Variants in DPP8 observed in about 807,000 individuals in gnomAD.
The protein encoded by DPP8 is DPP VIII.
In DPP8, 31 loss-of-function variants were observed where a neutral mutation model predicts 107.5. That is an observed-to-expected ratio of 0.29 (90% CI 0.22 to 0.39). The LOEUF is 0.39. DPP8 is among the 10% of genes least tolerant of loss of function. The probability of loss-of-function intolerance (pLI) is 1.00; values close to 1 mark genes in which losing one functional copy is unlikely to be tolerated. For missense variants in DPP8, 842 were observed against 1,076.1 expected, an observed-to-expected ratio of 0.78 and a Z score of 3.04; for synonymous variants, 381 against 356.6, an observed-to-expected ratio of 1.07 and a Z score of -0.77.
chr15:65,502,957 A>G (rs546584964), intron 3 of DPP8: 102 of 152,302 alleles, frequency 6.7e-4, no homozygotes, highest in African/African-American at 2.3e-3. Context: ...ATAGAAAGAC[A>G]TCACGTATGC....
chr15:65,462,714 G>A (rs767972552), intron 15 of DPP8, among the ~76,000 whole-genome samples: 4 of 152,016 alleles, frequency 2.6e-5, no homozygotes, highest in Non-Finnish European at 5.9e-5. Context: ...CAAGTAGCTG[G>A]GATTTTAGGC....
intron 14 of DPP8, among the ~76,000 whole-genome samples, chr15:65,465,210 C>T (rs2065244079): frequency 6.7e-6 from 1 of 150,012 alleles, no homozygotes; most frequent in African/African-American, 2.5e-5. Flanking sequence ...CTCTGTTGCC[C>T]AGGCTGGAGT....
In DPP8 at chr15:65,497,970, T is replaced by A; in HGVS notation, c.609A>T (p.Lys203Asn). Residue 203 changes from lysine to asparagine, a missense_variant, in exon 5 of 20, where the codon AAA becomes AAT. By Grantham distance (94) the Lys-to-Asn change is moderately conservative. Transcript: ENST00000300141. ...TSCPNIRMDPKLCPADPDWIA... is the reference protein window; with the variant it reads ...TSCPNIRMDPNLCPADPDWIA... Reference sequence around the variant, plus strand: ...TCCAGTCTGGATCAGCAGGGCATAATTTTGGATCCATCCGTATGTTGGGAC... The same window carrying A: ...TCCAGTCTGGATCAGCAGGGCATAAATTTGGATCCATCCGTATGTTGGGAC... 6 of 1,611,678 alleles carry A rather than the reference T, an allele frequency of 3.7e-6. No homozygotes were observed. Among genetic ancestry groups the A allele is most frequent in the Non-Finnish European group, 5.1e-6 (6 of 1,178,450 alleles).
intron 7 of DPP8, among the ~76,000 whole-genome samples, chr15:65,486,882 C>T (rs1188627434): frequency 6.6e-6 from 1 of 152,046 alleles, no homozygotes; most frequent in South Asian, 2.1e-4. Flanking sequence ...GTACAGTGTA[C>T]ACTGCTCGGG....
intron 1 of DPP8, among the ~76,000 whole-genome samples, chr15:65,515,205 A>G (rs772082929): frequency 3.9e-5 from 6 of 152,310 alleles, no homozygotes; most frequent in Non-Finnish European, 8.8e-5. Context: ...CTGGGATTAT[A>G]GGTGTGAGTC....
intron 15 of DPP8, among the ~76,000 whole-genome samples, chr15:65,462,623 A>T (rs939812451): frequency 7.2e-5 from 11 of 152,138 alleles, no homozygotes; most frequent in Middle Eastern, 3.4e-3. Flanking sequence ...CTCTGTCACC[A>T]GGCTGGAGTA....
At chr15:65,483,357 G>A (rs945627094) in intron 8 of DPP8, among the ~76,000 whole-genome samples, 12 of 151,654 alleles carry the variant, frequency 7.9e-5, no homozygotes, top group African/African-American at 2.9e-4. Context: ...AAATCCTGTC[G>A]CTACGAAAAA....
At chr15:65,471,440 G>A (rs549964625) in intron 12 of DPP8, among the ~76,000 whole-genome samples, 15 of 151,748 alleles carry the variant, frequency 9.9e-5, no homozygotes, top group Admixed American at 2.0e-4. Flanking sequence ...TCAACCTCCC[G>A]GGCTAAAGCG....
At chr15:65,494,027 T>C (rs182443272) in intron 5 of DPP8, among the ~76,000 whole-genome samples, 2 of 151,744 alleles carry the variant, frequency 1.3e-5, no homozygotes, top group Non-Finnish European at 1.5e-5. Context: ...CAACCCTATG[T>C]TGATGTGCTA....
At chr15:65,480,119 C>A in intron 10 of DPP8, 103 bp downstream of exon 10, 1 of 995,626 alleles carries the variant, frequency 1.0e-6, no homozygotes, top group East Asian at 2.6e-5. Context: ...AACATGGTCC[C>A]TTTAAACTTA....
intron 19 of DPP8, 177 bp downstream of exon 19, chr15:65,450,821 CA>C: frequency 2.0e-6 from 1 of 508,756 alleles, no homozygotes; most frequent in East Asian, 3.4e-5. Flanking sequence ...AGCCTGACTG[CA>C]ACAGAATCTT....
intron 8 of DPP8, among the ~76,000 whole-genome samples, chr15:65,483,306 C>T (rs561028316): frequency 3.4e-4 from 51 of 152,070 alleles, no homozygotes; most frequent in African/African-American, 1.2e-3. Context: ...GAGAGGATCA[C>T]TTGGGCCCAG....
intron 19 of DPP8, among the ~76,000 whole-genome samples, chr15:65,448,687 A>T (rs1567123661): frequency 3.0e-5 from 4 of 132,818 alleles, no homozygotes; most frequent in East Asian, 2.0e-4. Context: ...AAAAAAAAAA[A>T]AAAATATATA....
chr15:65,451,677 C>T (rs1411288189), intron 18 of DPP8, among the ~76,000 whole-genome samples: 1 of 152,098 alleles, frequency 6.6e-6, no homozygotes, highest in Admixed American at 6.6e-5. Flanking sequence ...GTAATCCCAG[C>T]ACTTTGGGAG....
intron 5 of DPP8, among the ~76,000 whole-genome samples, chr15:65,495,814 G>A (rs1032850929): frequency 6.7e-6 from 1 of 149,316 alleles, no homozygotes; most frequent in Non-Finnish European, 1.5e-5. Flanking sequence ...CCCGAGAGGC[G>A]AAGGTTGCAG....
intron 15 of DPP8, among the ~76,000 whole-genome samples, chr15:65,461,247 G>A (rs1380735799): frequency 6.6e-6 from 1 of 151,956 alleles, no homozygotes; most frequent in Non-Finnish European, 1.5e-5. Flanking sequence ...TGGGCTCAGG[G>A]GATCCTCCTG....
chr15:65,477,367 C>G (rs1000965120), intron 11 of DPP8, among the ~76,000 whole-genome samples: 1 of 151,620 alleles, frequency 6.6e-6, no homozygotes, highest in African/African-American at 2.4e-5. Context: ...TGCATTCCAG[C>G]CTGGGTGACA....
chr15:65,450,051 T>TATG (rs60686422), intron 19 of DPP8, among the ~76,000 whole-genome samples: 1 of 151,468 alleles, frequency 6.6e-6, no homozygotes, highest in Non-Finnish European at 1.5e-5. Flanking sequence ...GATCGCAACC[T>TATG]CTGCCTCCCC....
chr15:65,486,105 A>G (rs1341475919), intron 7 of DPP8, among the ~76,000 whole-genome samples: 7 of 145,492 alleles, frequency 4.8e-5, no homozygotes, highest in African/African-American at 1.8e-4. Context: ...AAAAAAAAAA[A>G]ACAACACAAA....
Sources: gnomAD v4.1 joint callset for allele counts (sites outside exome capture counted in the v4.1 genomes callset) on GRCh38, gnomAD v4.1.1 for gene constraint, MANE v1.5 for transcripts, NCBI Gene and HGNC (gene_info 2026-07-23, HGNC 2026-07-21) for gene names.